C12orf54: variants seen among roughly 807,000 people sequenced by gnomAD.
C12orf54 encodes chromosome 12 open reading frame 54.
A neutral mutation model predicts 26.4 loss-of-function variants in C12orf54; 24 were observed. The ratio of observed to expected loss-of-function variants is 0.91; its 90% CI spans 0.66 to 1.28. The LOEUF (loss-of-function observed/expected upper bound fraction) is 1.28, where lower values mean the gene tolerates loss of function less well. Ranked by LOEUF, C12orf54 falls within the 50% of genes most tolerant of loss-of-function variation. The pLI is 0.00. For missense variants in C12orf54, 154 were observed against 150.9 expected (o/e 1.02, Z -0.11); for synonymous variants, 54 against 47.0 (o/e 1.15, Z -0.61).
chr12:48,419,320 AG>A, the C12orf54 span, among the ~76,000 whole-genome samples: 1 of 152,168 alleles, frequency 6.6e-6, no homozygotes, highest in African/African-American at 2.4e-5. Context: ...GATCTTTGGA[AG>A]GGTTTTAAGC....
chr12:48,457,382 G>A, the C12orf54 span, among the ~76,000 whole-genome samples: 4 of 152,002 alleles, frequency 2.6e-5, no homozygotes, highest in Admixed American at 6.6e-5. Flanking sequence ...GGCCCAGGCT[G>A]GAGTGTGATG....
the C12orf54 span, among the ~76,000 whole-genome samples, chr12:48,431,561 CA>C: frequency 1.3e-5 from 2 of 151,844 alleles, no homozygotes; most frequent in Non-Finnish European, 2.9e-5. Context: ...ATATAAAACA[CA>C]AGTGTACAAT....
At chr12:48,467,075 G>A in the C12orf54 span, among the ~76,000 whole-genome samples, 2 of 152,066 alleles carry the variant, frequency 1.3e-5, no homozygotes, top group Non-Finnish European at 2.9e-5. Flanking sequence ...ATATAACTAA[G>A]TTAAGGATAT....
the C12orf54 span, among the ~76,000 whole-genome samples, chr12:48,450,246 T>A: frequency 2.0e-5 from 3 of 152,080 alleles, no homozygotes; most frequent in Admixed American, 6.6e-5. Context: ...GACTAAATAA[T>A]GAAATTAAGG....
chr12:48,449,439 T>A, the C12orf54 span, among the ~76,000 whole-genome samples: 1 of 152,228 alleles, frequency 6.6e-6, no homozygotes, highest in African/African-American at 2.4e-5. Flanking sequence ...TAAGTCACTA[T>A]ATTGGGTTAA....
the C12orf54 span, among the ~76,000 whole-genome samples, chr12:48,424,903 C>T: frequency 6.6e-6 from 1 of 151,918 alleles, no homozygotes; most frequent in African/African-American, 2.4e-5. Flanking sequence ...TCTGTGGTTG[C>T]CAAGGGCCAA....
At chr12:48,434,002 C>A in the C12orf54 span, among the ~76,000 whole-genome samples, 1 of 152,172 alleles carries the variant, frequency 6.6e-6, no homozygotes, top group Admixed American at 6.5e-5. Flanking sequence ...TCAGGGAATT[C>A]CCTTTCCTAC....
the C12orf54 span, among the ~76,000 whole-genome samples, chr12:48,460,226 C>T: frequency 6.6e-6 from 1 of 152,008 alleles, no homozygotes; most frequent in Non-Finnish European, 1.5e-5. Flanking sequence ...CATACAGCCT[C>T]TTCTGATTGT....
the C12orf54 span, among the ~76,000 whole-genome samples, chr12:48,447,212 CTGTG>C: frequency 3.3e-3 from 303 of 91,044 alleles, 2 homozygotes; most frequent in Middle Eastern, 0.011. Context: ...CTCTCTTACT[CTGTG>C]TGTGTGTGTG....
the C12orf54 span, among the ~76,000 whole-genome samples, chr12:48,434,165 C>T: frequency 3.3e-4 from 50 of 152,264 alleles, no homozygotes; most frequent in Middle Eastern, 3.4e-3. Context: ...TCGCTCATTG[C>T]GAGCACAGCA....
chr12:48,481,342 C>T (rs561074881), upstream of C12orf54, among the ~76,000 whole-genome samples: 47 of 152,118 alleles, frequency 3.1e-4, 3 homozygotes, highest in South Asian at 9.8e-3. Flanking sequence ...AAGGGAGGAG[C>T]TTAGACTCCT....
chr12:48,462,839 G>T, the C12orf54 span, among the ~76,000 whole-genome samples: 1 of 151,680 alleles, frequency 6.6e-6, no homozygotes, highest in Non-Finnish European at 1.5e-5. Context: ...TTTGGAACAA[G>T]GAAAGAAATC....
chr12:48,414,818 C>T, the C12orf54 span, among the ~76,000 whole-genome samples: 2 of 152,300 alleles, frequency 1.3e-5, no homozygotes, highest in South Asian at 2.1e-4. Flanking sequence ...CTTGCTAACC[C>T]TTCTGCTAGC....
At chr12:48,444,459 A>G in the C12orf54 span, among the ~76,000 whole-genome samples, 1 of 152,186 alleles carries the variant, frequency 6.6e-6, no homozygotes, top group Non-Finnish European at 1.5e-5. Context: ...CGTGGGGGGA[A>G]TTTCTCCTTT....
At chr12:48,439,912 A>C in the C12orf54 span, among the ~76,000 whole-genome samples, 1 of 152,144 alleles carries the variant, frequency 6.6e-6, no homozygotes, top group Admixed American at 6.5e-5. Flanking sequence ...ATAAAATAAA[A>C]AAATAAAAAA....
the C12orf54 span, among the ~76,000 whole-genome samples, chr12:48,441,544 A>C: frequency 6.6e-6 from 1 of 151,512 alleles, no homozygotes. Context: ...GCCAGGAAGA[A>C]TGAGTGAATA....
At chr12:48,462,411 T>A in the C12orf54 span, among the ~76,000 whole-genome samples, 4 of 151,602 alleles carry the variant, frequency 2.6e-5, no homozygotes, top group South Asian at 8.3e-4. Flanking sequence ...ATTATTATGA[T>A]GCCAAAAATC....
At chr12:48,484,757 A>G (rs1954239069) in intron 2 of C12orf54, among the ~76,000 whole-genome samples, 1 of 152,266 alleles carries the variant, frequency 6.6e-6, no homozygotes, top group African/African-American at 2.4e-5. Context: ...CAAAGAACTG[A>G]TCAATGTTTG....
At chr12:48,469,445 G>A in the C12orf54 span, among the ~76,000 whole-genome samples, 4 of 152,122 alleles carry the variant, frequency 2.6e-5, no homozygotes, top group Admixed American at 2.0e-4. Context: ...CAGACTTTAT[G>A]GTTATCTCCC....
Sources: allele counts gnomAD v4.1 joint callset (sites outside exome capture counted in the v4.1 genomes callset), GRCh38; gene constraint gnomAD v4.1.1; transcripts MANE v1.5; gene names NCBI Gene and HGNC (gene_info 2026-07-23, HGNC 2026-07-21).